Variants in DST observed in about 807,000 individuals in gnomAD.
The protein encoded by DST is dystonin.
In DST, 253 loss-of-function variants were observed where a neutral mutation model predicts 875.2. The observed-to-expected ratio is 0.29, with a 90% CI of 0.26 to 0.32. DST has a LOEUF of 0.32. Ranked by LOEUF, DST falls within the 10% of genes least tolerant of loss-of-function variation. DST has a pLI of 1.00. For missense variants in DST, 8,287 were observed against 9,111.6 expected, an observed-to-expected ratio of 0.91 and a Z score of 3.68; for synonymous variants, 3,124 against 3,197.1, an observed-to-expected ratio of 0.98 and a Z score of 0.77.
chr6:56,618,001 A>G, intron 36 of DST: 1 of 1,613,974 alleles, frequency 6.2e-7, no homozygotes, highest in Non-Finnish European at 8.5e-7. Context: ...AGGGTGTCAA[A>G]ACCTTCACCA....
At chr6:56,601,100 G>A (rs909968447) in intron 44 of DST, among the ~76,000 whole-genome samples, 2 of 151,974 alleles carry the variant, frequency 1.3e-5, no homozygotes, top group African/African-American at 4.8e-5. Context: ...TGCTGTATTG[G>A]TTCCCAGAGG....
chr6:56,525,897 T>C (rs904858986), intron 69 of DST, among the ~76,000 whole-genome samples: 5 of 152,124 alleles, frequency 3.3e-5, no homozygotes, highest in Non-Finnish European at 5.9e-5. Flanking sequence ...AGAAAAAAAC[T>C]TCACATTACC....
intron 2 of DST, among the ~76,000 whole-genome samples, chr6:56,903,312 C>T (rs1247228069): frequency 2.0e-5 from 3 of 152,266 alleles, no homozygotes; most frequent in South Asian, 2.1e-4. Flanking sequence ...CATAAAACTT[C>T]GCTAAAGTAA....
chr6:56,618,188 T>C, intron 36 of DST: 1 of 1,614,190 alleles, frequency 6.2e-7, no homozygotes, highest in Non-Finnish European at 8.5e-7. Flanking sequence ...CTGGCTTTTC[T>C]CTTTCTCGAG....
At chr6:56,679,477 A>G (rs1362676498) in intron 9 of DST, among the ~76,000 whole-genome samples, 1 of 151,504 alleles carries the variant, frequency 6.6e-6, no homozygotes, top group Non-Finnish European at 1.5e-5. Context: ...GTTATTTACT[A>G]TTTGGCTGGG....
At chr6:56,924,520 A>G (rs1261662286) in intron 2 of DST, among the ~76,000 whole-genome samples, 1 of 152,214 alleles carries the variant, frequency 6.6e-6, no homozygotes, top group African/African-American at 2.4e-5. Flanking sequence ...CAGGTTTAAT[A>G]TGCTTAAACA....
At chr6:56,559,001 C>T (rs904035013) in intron 58 of DST, among the ~76,000 whole-genome samples, 1 of 152,116 alleles carries the variant, frequency 6.6e-6, no homozygotes, top group Non-Finnish European at 1.5e-5. Flanking sequence ...TCTTTCAGCA[C>T]TTCAACACAG....
chr6:56,533,219 T>C (rs774491110), intron 63 of DST, among the ~76,000 whole-genome samples: 21 of 152,368 alleles, frequency 1.4e-4, no homozygotes, highest in Non-Finnish European at 2.6e-4. Context: ...TAATTAAACA[T>C]TTCAAAGCAC....
intron 10 of DST, among the ~76,000 whole-genome samples, chr6:56,663,385 T>G (rs2099055046): frequency 6.6e-6 from 1 of 152,254 alleles, no homozygotes; most frequent in Non-Finnish European, 1.5e-5. Context: ...ACTTTTTAAT[T>G]GATAACTTTC....
rs992650297 is a variant in DST, at chr6:56,693,620, C to T, written c.1047+6033G>A. On this transcript the variant is annotated intron_variant, in intron 9 of 103. Transcript: ENST00000680361. ...CAGTCAGGAGAGATTTAGGAAAGTG[C>T]CCTTCAAATTTGGATTCAAAGTGCC... Among the ~76,000 whole-genome samples the T allele has an allele frequency of 3.9e-5, 6 of 152,236 alleles. No homozygotes were observed. In the East Asian group the frequency reaches 1.2e-3, roughly 29 times the overall value.
intron 5 of DST, among the ~76,000 whole-genome samples, chr6:56,706,496 T>A (rs556246868): frequency 6.6e-6 from 1 of 152,170 alleles, no homozygotes; most frequent in Non-Finnish European, 1.5e-5. Flanking sequence ...AACATATCTA[T>A]TACATGCATG....
chr6:56,647,508 T>C (rs2152792065), intron 13 of DST, among the ~76,000 whole-genome samples: 2 of 152,314 alleles, frequency 1.3e-5, no homozygotes, highest in South Asian at 4.1e-4. Context: ...CAGTTTTTTC[T>C]ATCCCAGTTT....
At chr6:56,806,892 A>G (rs1269738912) in intron 4 of DST, among the ~76,000 whole-genome samples, 7 of 152,224 alleles carry the variant, frequency 4.6e-5, no homozygotes, top group Non-Finnish European at 1.5e-5. Context: ...AGGTCACTCC[A>G]TAAGTGACAG....
chr6:56,746,501 T>C (rs2099572880), intron 4 of DST, among the ~76,000 whole-genome samples: 2 of 152,204 alleles, frequency 1.3e-5, no homozygotes, highest in Non-Finnish European at 1.5e-5. Flanking sequence ...ACCTATCCTA[T>C]AAAATTTTAA....
At chr6:56,548,724 T>C (rs904066415) in intron 61 of DST, among the ~76,000 whole-genome samples, 1 of 152,168 alleles carries the variant, frequency 6.6e-6, no homozygotes, top group African/African-American at 2.4e-5. Flanking sequence ...CATAAATAAG[T>C]GTAAGTGGAA....
At position 56,594,101 on chromosome 6, in the gene DST, G is replaced by C. The variant is rs1451090054; in HGVS notation, c.12288C>G (p.Leu4096=). 1 of 1,609,828 alleles carries C rather than the reference G, an allele frequency of 6.2e-7. No individual in the cohort carries two copies. The highest frequency in any genetic ancestry group is 2.2e-5 in the East Asian group (1 of 44,870). ...GCAGTTTCTCTTTTTCTTCAGGAGA[G>C]AGATACTGACCCTGTTTCTCAAGCA... The part of the protein sequence containing the change: ...QVLLEKQGQY[L]SPEEKEKLQK... Residue 4096 remains leucine, a synonymous_variant, in exon 48 of 104, where the codon CTC becomes CTG. Coordinates refer to ENST00000680361, the MANE Select transcript of DST (RefSeq NM_001374736.1).
At chr6:56,765,431 G>A (rs1179044524) in intron 4 of DST, among the ~76,000 whole-genome samples, 1 of 152,164 alleles carries the variant, frequency 6.6e-6, no homozygotes, top group Non-Finnish European at 1.5e-5. Context: ...GAAGAAGTCA[G>A]GTAGAAACTA....
chr6:56,900,494 C>T lies in DST; in HGVS notation c.344G>A (p.Arg115Gln), dbSNP rs267601091. 10 of 1,367,692 alleles carry T rather than the reference C, an allele frequency of 7.3e-6. No individual in the cohort carries two copies. Among genetic ancestry groups the T allele is most frequent in the Middle Eastern group, 2.1e-4 (1 of 4,768 alleles). The allele number at this position is 1,367,692 out of a possible 1,614,324, so 84.7% of individuals were successfully genotyped here. Reference sequence around the variant, plus strand: ...GACTCGGCTGCTCTTCTTGATTCTTCGTTTCCTCACTGAAGTTTCTTGCTC... The same window carrying T: ...GACTCGGCTGCTCTTCTTGATTCTTTGTTTCCTCACTGAAGTTTCTTGCTC... Reference protein sequence around the residue: ...QSEQETSVRKRRIKKSSRVQP... With the variant: ...QSEQETSVRKQRIKKSSRVQP... Residue 115 changes from arginine to glutamine, a missense_variant, in exon 3 of 104, where the codon CGA becomes CAA. By Grantham distance (43) the Arg-to-Gln change is conservative. This residue lies in a region of DST where 1,160 missense variants were observed against 1,424.3 expected (regional missense o/e 0.81). Coordinates refer to ENST00000680361, the MANE Select transcript of DST (RefSeq NM_001374736.1).
In DST at chr6:56,606,682, T is replaced by C. The variant is rs748792279; in HGVS notation, c.7946A>G (p.Asp2649Gly). 12 of 1,613,660 alleles carry C rather than the reference T, an allele frequency of 7.4e-6. No individual in the cohort carries two copies. Among genetic ancestry groups the C allele is most frequent in the Non-Finnish European group, 1.0e-5 (12 of 1,179,652 alleles). Residue 2649 changes from aspartate to glycine, a missense_variant, in exon 40 of 104, where the codon GAT (aspartate) becomes GGT (glycine). Physicochemically the swap from Asp to Gly is moderately conservative, Grantham distance 94. This residue lies in a region of DST where 3,138 missense variants were observed against 3,116.6 expected (regional missense o/e 1.01). Transcript: ENST00000680361. ...AACATCAGCAGGAGAAGCCGTCTCA[T>C]CATTTTCCTCTTGCAGTGTGTCGTA... ...EDYDTLQEEN[D>G]ETASPADVFY...
Sources: gnomAD v4.1 joint callset for allele counts (sites outside exome capture counted in the v4.1 genomes callset) on GRCh38, gnomAD v4.1.1 for gene constraint, gnomAD v4.1.1 regional missense constraint, MANE v1.5 for transcripts, NCBI Gene and HGNC (gene_info 2026-07-23, HGNC 2026-07-21) for gene names.